Variants in DGKB observed in about 807,000 individuals in gnomAD.
DGKB encodes the protein diacylglycerol kinase beta.
In DGKB, 67 loss-of-function variants were observed where a neutral mutation model predicts 114.3. The observed-to-expected ratio is 0.59, with a 90% CI of 0.48 to 0.72. The LOEUF is 0.72. Among genes scored for constraint, DGKB ranks in the 30% least tolerant of loss-of-function variants. The pLI is 0.00. For synonymous variants in DGKB, 398 were observed against 323.1 expected (o/e 1.23, Z -2.49); for missense variants, 907 against 975.2 (o/e 0.93, Z 0.93).
intron 5 of DGKB, 80 bp downstream of exon 5, chr7:14,735,961 A>C: frequency 2.4e-6 from 2 of 846,870 alleles, no homozygotes; most frequent in South Asian, 3.2e-5. Flanking sequence ...GCAAATCATC[A>C]TTCATCTTTT....
At chr7:14,735,897 G>C in intron 5 of DGKB, 144 bp downstream of exon 5, 1 of 447,526 alleles carries the variant, frequency 2.2e-6, no homozygotes, top group Non-Finnish European at 3.9e-6. Flanking sequence ...CATTTTAAAT[G>C]AGTCACACAA....
chr7:14,189,914 G>A (rs930719967), intron 23 of DGKB, among the ~76,000 whole-genome samples: 3 of 152,044 alleles, frequency 2.0e-5, no homozygotes, highest in South Asian at 2.1e-4. Flanking sequence ...TAGAGCAACC[G>A]TTATTAGATC....
intron 21 of DGKB, among the ~76,000 whole-genome samples, chr7:14,410,199 A>AATATATAT (rs58851028): frequency 2.7e-5 from 4 of 148,982 alleles, no homozygotes; most frequent in South Asian, 2.1e-4. Flanking sequence ...AATTACACTA[A>AATATATAT]ATATATATAT....
intron 25 of DGKB, among the ~76,000 whole-genome samples, chr7:14,170,176 AG>A: frequency 6.7e-6 from 1 of 150,118 alleles, no homozygotes; most frequent in African/African-American, 2.5e-5. Context: ...AAAGAAAGAA[AG>A]AAAGAAAGAA....
chr7:14,879,705 C>A, intron 1 of DGKB, among the ~76,000 whole-genome samples: 1 of 152,134 alleles, frequency 6.6e-6, no homozygotes, highest in African/African-American at 2.4e-5. Context: ...GAAGAATAAT[C>A]AACAAGCCAT....
chr7:14,627,007 T>C (rs1808716480), intron 14 of DGKB, among the ~76,000 whole-genome samples: 1 of 152,140 alleles, frequency 6.6e-6, no homozygotes. Flanking sequence ...GGAAAGCTTA[T>C]GTTAGAAAAA....
At position 14,876,452 on chromosome 7, in the gene DGKB, T is replaced by G. The variant is rs141834609; in HGVS notation, c.-188+26140A>C. ...GCCTCTGGCTTGCCTTTGAATTCTT[T>G]CCTGGGCAAGGCCAACAACACTCGC... On this transcript the variant is annotated intron_variant, in intron 1 of 25. Coordinates refer to ENST00000402815, the MANE Select transcript of DGKB (RefSeq NM_001350709.2). 1.4e-3 allele frequency among the ~76,000 whole-genome samples: 218 copies of G among 152,346 alleles called. 1 individual carries two copies. The highest frequency in any genetic ancestry group is 5.0e-3 in the African/African-American group (207 of 41,588).
chr7:14,486,849 G>A (rs995229189), intron 20 of DGKB, among the ~76,000 whole-genome samples: 4 of 151,942 alleles, frequency 2.6e-5, no homozygotes, highest in Non-Finnish European at 4.4e-5. Context: ...GGTGACCACC[G>A]GAGTATCAGT....
intron 13 of DGKB, among the ~76,000 whole-genome samples, chr7:14,645,815 T>A (rs1812870511): frequency 6.6e-6 from 1 of 152,000 alleles, no homozygotes; most frequent in South Asian, 2.1e-4. Context: ...ATCACCAGAC[T>A]GGATATACAA....
At chr7:14,348,093 T>G (rs1812782814) in intron 21 of DGKB, among the ~76,000 whole-genome samples, 1 of 152,004 alleles carries the variant, frequency 6.6e-6, no homozygotes, top group Non-Finnish European at 1.5e-5. Flanking sequence ...ACAGTTAAGA[T>G]GCAGAACAGT....
chr7:14,874,018 T>A (rs927412819), intron 1 of DGKB, among the ~76,000 whole-genome samples: 1 of 152,110 alleles, frequency 6.6e-6, no homozygotes, highest in Non-Finnish European at 1.5e-5. Context: ...AAAACATTTT[T>A]AGTAACAGTA....
chr7:14,559,118 T>C (rs867739122), intron 20 of DGKB, among the ~76,000 whole-genome samples: 3 of 152,212 alleles, frequency 2.0e-5, no homozygotes, highest in Non-Finnish European at 4.4e-5. Context: ...TCCAACATAA[T>C]GGTGACTTTT....
intron 2 of DGKB, among the ~76,000 whole-genome samples, chr7:14,790,566 G>A (rs1246395683): frequency 1.3e-5 from 2 of 151,956 alleles, no homozygotes; most frequent in African/African-American, 2.4e-5. Flanking sequence ...GTTTAAAAGG[G>A]CATCTTTCTA....
At chr7:14,733,253 A>C (rs558189950) in intron 5 of DGKB, among the ~76,000 whole-genome samples, 1 of 152,340 alleles carries the variant, frequency 6.6e-6, no homozygotes, top group Non-Finnish European at 1.5e-5. Flanking sequence ...ATCTAAAAAT[A>C]TTTTCTAAGA....
At chr7:14,685,599 C>T (rs1821543310) in intron 9 of DGKB, among the ~76,000 whole-genome samples, 1 of 152,164 alleles carries the variant, frequency 6.6e-6, no homozygotes, top group South Asian at 2.1e-4. Flanking sequence ...CTAATATTAA[C>T]AGCTCAACAG....
intron 1 of DGKB, among the ~76,000 whole-genome samples, chr7:14,972,669 T>C (rs62448584): frequency 0.078 from 8,064 of 103,584 alleles, 305 homozygotes; most frequent in Non-Finnish European, 0.099. Context: ...TCAAAGATTG[T>C]TGAAAAAAAA....
At chr7:14,354,606 C>A (rs576334927) in intron 21 of DGKB, among the ~76,000 whole-genome samples, 1 of 152,014 alleles carries the variant, frequency 6.6e-6, no homozygotes, top group East Asian at 1.9e-4. Flanking sequence ...AAAGAAGATA[C>A]ACAAGATGGT....
intron 1 of DGKB, among the ~76,000 whole-genome samples, chr7:14,847,442 A>C (rs1318981011): frequency 6.6e-6 from 1 of 152,242 alleles, no homozygotes; most frequent in Non-Finnish European, 1.5e-5. Flanking sequence ...ATTGCTGAAG[A>C]AGTAGGATGA....
intron 23 of DGKB, among the ~76,000 whole-genome samples, chr7:14,242,687 A>G (rs1453805509): frequency 3.3e-5 from 3 of 91,320 alleles, no homozygotes; most frequent in Non-Finnish European, 9.0e-5. Flanking sequence ...TTCTTATAAG[A>G]TAAGTCATAA....
Sources: gnomAD v4.1 joint callset for allele counts (sites outside exome capture counted in the v4.1 genomes callset) on GRCh38, gnomAD v4.1.1 for gene constraint, MANE v1.5 for transcripts, NCBI Gene and HGNC (gene_info 2026-07-23, HGNC 2026-07-21) for gene names.